The following ABCA13 variants were observed in gnomAD, a reference collection of about 807,000 sequenced individuals.
ABCA13 encodes ATP-binding cassette sub-family A member 13.
In ABCA13, 476 loss-of-function variants were observed where a neutral mutation model predicts 478.7. The observed-to-expected ratio is 0.99, with a 90% CI of 0.92 to 1.07. ABCA13 has a LOEUF of 1.07. Ranked by LOEUF, ABCA13 falls within the 50% of genes least tolerant of loss-of-function variation. The pLI is 0.00. For missense variants in ABCA13, 6,060 were observed against 5,910.6 expected, an observed-to-expected ratio of 1.03 and a Z score of -0.83; for synonymous variants, 2,252 against 2,158.9, an observed-to-expected ratio of 1.04 and a Z score of -1.20.
chr7:48,202,090 A>T (rs188200733), intron 3 of ABCA13, among the ~76,000 whole-genome samples: 4 of 152,318 alleles, frequency 2.6e-5, no homozygotes, highest in Admixed American at 2.6e-4. Context: ...TCATAAAAGC[A>T]GTGTGGACCT....
At chr7:48,643,666 G>A (rs1245804965) in intron 60 of ABCA13, among the ~76,000 whole-genome samples, 1 of 152,160 alleles carries the variant, frequency 6.6e-6, no homozygotes, top group Non-Finnish European at 1.5e-5. Context: ...TGTGGGCACA[G>A]GTCCATTGCA....
chr7:48,541,015 G>A (rs1323096210), intron 55 of ABCA13, among the ~76,000 whole-genome samples: 1 of 152,088 alleles, frequency 6.6e-6, no homozygotes, highest in Non-Finnish European at 1.5e-5. Flanking sequence ...TTAAGACTAA[G>A]ATTTGTTTTA....
intron 58 of ABCA13, among the ~76,000 whole-genome samples, chr7:48,612,675 T>C: frequency 6.6e-6 from 1 of 152,230 alleles, no homozygotes; most frequent in Non-Finnish European, 1.5e-5. Context: ...CATTAACCTG[T>C]TTCCAGATGC....
chr7:48,403,627 A>C, intron 38 of ABCA13, 56 bp from the exon 39 acceptor site: 1 of 1,543,300 alleles, frequency 6.5e-7, no homozygotes, highest in Non-Finnish European at 8.9e-7. Context: ...GAGTGAAATT[A>C]GAAGCAAAGT....
intron 23 of ABCA13, among the ~76,000 whole-genome samples, chr7:48,307,334 T>C (rs192374672): frequency 1.3e-5 from 2 of 152,332 alleles, no homozygotes; most frequent in Admixed American, 1.3e-4. Context: ...TGTGGGCAAT[T>C]GTAACATCGT....
chr7:48,635,357 G>C (rs1337915382), intron 59 of ABCA13, among the ~76,000 whole-genome samples: 1 of 152,102 alleles, frequency 6.6e-6, no homozygotes, highest in African/African-American at 2.4e-5. Context: ...AGCTAGAAAT[G>C]GGAGCAACAT....
intron 47 of ABCA13, among the ~76,000 whole-genome samples, chr7:48,484,156 G>A (rs1162161247): frequency 1.3e-5 from 2 of 152,188 alleles, no homozygotes; most frequent in Non-Finnish European, 2.9e-5. Context: ...TGAAATAAAA[G>A]TTCTTACAGG....
chr7:48,573,666 C>T (rs1370283019), intron 55 of ABCA13, among the ~76,000 whole-genome samples: 5 of 152,100 alleles, frequency 3.3e-5, no homozygotes, highest in African/African-American at 1.2e-4. Flanking sequence ...CCCAGGAGTT[C>T]GAGGCTGCAG....
chr7:48,584,876 T>C (rs1436122656), intron 56 of ABCA13, among the ~76,000 whole-genome samples: 1 of 152,208 alleles, frequency 6.6e-6, no homozygotes, highest in Non-Finnish European at 1.5e-5. Context: ...CAAGAACATA[T>C]AGATGACATT....
rs938327760 is a variant in ABCA13 at position 48,234,016 on chromosome 7, A to G, written c.764-2A>G. On this transcript the variant is annotated splice_acceptor_variant, in intron 7 of 61. Coordinates refer to ENST00000435803, the MANE Select transcript of ABCA13 (RefSeq NM_152701.5). LOFTEE classifies it high-confidence loss of function. ...GGTGTAAATCTTTTGTTATTCCAAC[A>G]GAGCCAGTTTACCACCTGTCCATGC... The G allele has an allele frequency of 6.2e-7, 1 of 1,613,726 alleles. No homozygotes were observed. The highest frequency in any genetic ancestry group is 1.3e-5 in the African/African-American group (1 of 74,958).
At chr7:48,326,197 CTGGAA>C (rs1243561714) in intron 27 of ABCA13, among the ~76,000 whole-genome samples, 69 of 152,314 alleles carry the variant, frequency 4.5e-4, no homozygotes, top group African/African-American at 1.6e-3. Flanking sequence ...AAGCAGCACA[CTGGAA>C]TCTGGAAGAG....
intron 8 of ABCA13, among the ~76,000 whole-genome samples, chr7:48,234,941 C>CT (rs1398373483): frequency 1.3e-5 from 2 of 152,194 alleles, no homozygotes; most frequent in African/African-American, 4.8e-5. Context: ...ATTTTGCTCA[C>CT]TTTTTTGTGA....
At chr7:48,524,120 A>G in intron 53 of ABCA13, 128 bp from the exon 54 acceptor site, 1 of 798,100 alleles carries the variant, frequency 1.3e-6, no homozygotes, top group Non-Finnish European at 1.9e-6. Context: ...GCTCTGGACA[A>G]AGCTGACTGC....
chr7:48,198,497 AT>A (rs758816101), intron 3 of ABCA13, 137 bp downstream of exon 3: 19 of 1,033,244 alleles, frequency 1.8e-5, no homozygotes, highest in Non-Finnish European at 2.1e-5. Flanking sequence ...GTTTTATTAA[AT>A]TCAGAGTCAT....
chr7:48,238,611 G>A (rs1346929878), intron 8 of ABCA13, among the ~76,000 whole-genome samples: 3 of 152,082 alleles, frequency 2.0e-5, no homozygotes, highest in Admixed American at 2.0e-4. Context: ...TGGGACTACA[G>A]GCGCCCACCA....
chr7:48,351,963 T>G (rs1463107210), intron 30 of ABCA13, among the ~76,000 whole-genome samples: 1 of 152,244 alleles, frequency 6.6e-6, no homozygotes, highest in Non-Finnish European at 1.5e-5. Flanking sequence ...AAAGCAGCAC[T>G]GGACAGGGAA....
intron 35 of ABCA13, among the ~76,000 whole-genome samples, 196 bp from the exon 36 acceptor site, chr7:48,387,626 T>C (rs1815390392): frequency 6.6e-6 from 1 of 152,130 alleles, no homozygotes; most frequent in South Asian, 2.1e-4. Context: ...TGGCTGTGGA[T>C]CAGGCCGAGA....
At chr7:48,218,966 G>T (rs183043170) in intron 3 of ABCA13, among the ~76,000 whole-genome samples, 2 of 152,088 alleles carry the variant, frequency 1.3e-5, no homozygotes, top group Non-Finnish European at 2.9e-5. Flanking sequence ...AACATTCTCC[G>T]TAATTATCTC....
chr7:48,193,421 G>C (rs912933903), intron 2 of ABCA13, among the ~76,000 whole-genome samples: 2 of 152,056 alleles, frequency 1.3e-5, no homozygotes, highest in Non-Finnish European at 2.9e-5. Context: ...TGGTGATGAT[G>C]GTGGTGAGAA....
Sources: gnomAD v4.1 joint callset for allele counts (sites outside exome capture counted in the v4.1 genomes callset) on GRCh38, gnomAD v4.1.1 for gene constraint, MANE v1.5 for transcripts, NCBI Gene and HGNC (gene_info 2026-07-23, HGNC 2026-07-21) for gene names.